Variants in MCPH1 observed in about 807,000 individuals in gnomAD.
MCPH1 encodes microcephalin 1.
MCPH1 carries 104 observed loss-of-function variants against 84.5 expected under a neutral mutation model. The ratio of observed to expected loss-of-function variants is 1.23; its 90% CI spans 1.05 to 1.45. The LOEUF is 1.45. Among genes scored for constraint, MCPH1 ranks in the 40% most tolerant of loss-of-function variants. The probability of loss-of-function intolerance (pLI) is 0.00; values close to 1 mark genes in which losing one functional copy is unlikely to be tolerated. For synonymous variants in MCPH1, 514 were observed against 366.8 expected, an observed-to-expected ratio of 1.40 and a Z score of -4.58; for missense variants, 1,498 against 1,005.7, an observed-to-expected ratio of 1.49 and a Z score of -6.62.
intron 13 of MCPH1, chr8:6,626,364 C>T (rs1243506109): frequency 1.0e-6 from 1 of 985,132 alleles, no homozygotes; most frequent in Admixed American, 6.2e-5. Context: ...GTTCCCTCTT[C>T]ATTCCCTGGA....
intron 11 of MCPH1, among the ~76,000 whole-genome samples, chr8:6,496,134 G>C (rs961503776): frequency 1.3e-5 from 2 of 152,152 alleles, no homozygotes; most frequent in African/African-American, 2.4e-5. Context: ...TGTAAAATCA[G>C]TGGGAGCCCT....
chr8:6,607,464 T>C (rs1028865071), intron 12 of MCPH1, among the ~76,000 whole-genome samples: 2 of 152,258 alleles, frequency 1.3e-5, no homozygotes, highest in Non-Finnish European at 2.9e-5. Context: ...TGTTTTCCTC[T>C]TGTTACTCTT....
chr8:6,638,107 G>C (rs1014870169), intron 13 of MCPH1, among the ~76,000 whole-genome samples: 1 of 151,944 alleles, frequency 6.6e-6, no homozygotes, highest in Non-Finnish European at 1.5e-5. Flanking sequence ...TGTGATATGA[G>C]CAGATGAAAA....
intron 12 of MCPH1, among the ~76,000 whole-genome samples, chr8:6,556,782 T>G (rs916982910): frequency 1.6e-4 from 25 of 151,852 alleles, no homozygotes; most frequent in Non-Finnish European, 3.4e-4. Context: ...GAGATGGGGG[T>G]CTCACTCTGT....
intron 12 of MCPH1, among the ~76,000 whole-genome samples, chr8:6,583,450 T>C (rs1827725303): frequency 6.6e-6 from 1 of 152,208 alleles, no homozygotes; most frequent in Non-Finnish European, 1.5e-5. Context: ...ACCGACAAAA[T>C]TCTTGCCATC....
chr8:6,533,409 A>C (rs1819901977), intron 12 of MCPH1, among the ~76,000 whole-genome samples: 1 of 152,158 alleles, frequency 6.6e-6, no homozygotes, highest in Admixed American at 6.5e-5. Context: ...TCTGCTTTAT[A>C]GTCTTGGTTC....
intron 11 of MCPH1, among the ~76,000 whole-genome samples, chr8:6,481,890 C>G (rs1223815678): frequency 6.6e-6 from 1 of 152,128 alleles, no homozygotes; most frequent in Non-Finnish European, 1.5e-5. Context: ...TTTCAGGTAC[C>G]ATGGTCTGAA....
rs1336036331 is a variant in MCPH1 at position 6,647,266 on chromosome 8, T to G, written c.*4217T>G. 3 of 152,208 alleles carry G rather than the reference T, an allele frequency of 2.0e-5. No individual in the cohort carries two copies. Among genetic ancestry groups the G allele is most frequent in the Non-Finnish European group, 4.4e-5 (3 of 68,032 alleles). The allele number at this position is 152,208 out of a possible 1,614,324, so 9.4% of individuals were successfully genotyped here. The stretch of plus-strand genomic sequence containing the variant: ...TTAGAATGACTGTAAACAACAAGAC[T>G]GATAATTCCAACATCTGACCAAGAT... On this transcript the variant is annotated 3_prime_UTR_variant, in exon 14 of 14. Transcript: ENST00000344683.
intron 12 of MCPH1, among the ~76,000 whole-genome samples, chr8:6,585,254 A>T (rs1245590093): frequency 2.0e-5 from 3 of 152,220 alleles, no homozygotes; most frequent in Admixed American, 2.0e-4. Context: ...GCACAGCCAT[A>T]AAAGACACCA....
At chr8:6,623,483 CTCA>C in intron 13 of MCPH1, among the ~76,000 whole-genome samples, 1 of 151,912 alleles carries the variant, frequency 6.6e-6, no homozygotes, top group East Asian at 1.9e-4. Context: ...TCTGGCTTTT[CTCA>C]TCATCTGCTC....
rs576211084 is a variant in MCPH1, at chr8:6,459,846, G to A, written c.1935+4594G>A. Among the ~76,000 whole-genome samples, 37 of 152,344 alleles carry A rather than the reference G, an allele frequency of 2.4e-4. 2 individuals carry two copies. Among genetic ancestry groups the A allele is most frequent in the African/African-American group, 8.9e-4 (37 of 41,586 alleles). On this transcript the variant is annotated intron_variant, in intron 9 of 13. Transcript: ENST00000344683. ...GTCGTGAGTTCTGAGTAATGTGAAG[G>A]TGCCAGGTAGAAGGTACAAAGGCAA...
At chr8:6,561,216 G>A (rs776459400) in intron 12 of MCPH1, among the ~76,000 whole-genome samples, 17 of 152,200 alleles carry the variant, frequency 1.1e-4, no homozygotes, top group Non-Finnish European at 2.1e-4. Flanking sequence ...TGGGAAAGGA[G>A]GGAAACTTAC....
intron 11 of MCPH1, among the ~76,000 whole-genome samples, chr8:6,486,346 C>T (rs142867884): frequency 1.3e-5 from 2 of 151,796 alleles, no homozygotes; most frequent in African/African-American, 4.8e-5. Flanking sequence ...ACCCTGTCTC[C>T]AATGTAGTTG....
intron 12 of MCPH1, among the ~76,000 whole-genome samples, chr8:6,554,191 C>T (rs143607111): frequency 2.4e-3 from 363 of 150,836 alleles, no homozygotes; most frequent in African/African-American, 8.6e-3. Flanking sequence ...GGATAGCCCA[C>T]CTCAAGTCAT....
rs917734257 is a variant in MCPH1 at position 6,632,815 on chromosome 8, AG to A, written c.2453-10178del. On this transcript the variant is annotated intron_variant, in intron 13 of 13. Transcript: ENST00000344683. ...CAGAGTGAGACTCTGTCTAAGAAGA[AG>A]AAAAGAAAAAAAAACTCAGAAATAA... is the stretch of plus-strand genomic sequence containing the variant. Among the ~76,000 whole-genome samples the A allele has an allele frequency of 9.2e-4, 137 of 148,992 alleles. 1 individual carries two copies. Among genetic ancestry groups the A allele is most frequent in the African/African-American group, 3.0e-3 (122 of 41,288 alleles).
intron 12 of MCPH1, among the ~76,000 whole-genome samples, chr8:6,593,572 C>G (rs1047243876): frequency 1.1e-4 from 16 of 147,532 alleles, no homozygotes; most frequent in Non-Finnish European, 6.0e-5. Context: ...CAGGCTAGTC[C>G]CAGACTCCTG....
At chr8:6,429,501 C>A (rs1053869631) in intron 3 of MCPH1, among the ~76,000 whole-genome samples, 3 of 152,110 alleles carry the variant, frequency 2.0e-5, no homozygotes, top group Admixed American at 6.5e-5. Flanking sequence ...ACTCCTCCCC[C>A]GCCCCAGCTG....
chr8:6,589,689 A>C (rs753383845), intron 12 of MCPH1, among the ~76,000 whole-genome samples: 4 of 152,230 alleles, frequency 2.6e-5, no homozygotes, highest in Non-Finnish European at 5.9e-5. Context: ...TGGTCAGCCA[A>C]AAGTTTTCTG....
At chr8:6,546,618 A>T (rs1412760474) in intron 12 of MCPH1, among the ~76,000 whole-genome samples, 2 of 152,224 alleles carry the variant, frequency 1.3e-5, no homozygotes, top group Non-Finnish European at 2.9e-5. Context: ...TACTTAAATT[A>T]TTTGGAGCTA....
Sources: gnomAD v4.1 joint callset for allele counts (sites outside exome capture counted in the v4.1 genomes callset) on GRCh38, gnomAD v4.1.1 for gene constraint, MANE v1.5 for transcripts, NCBI Gene and HGNC (gene_info 2026-07-23, HGNC 2026-07-21) for gene names.